HSD17B4: variants seen among roughly 807,000 people sequenced by gnomAD.
The protein encoded by HSD17B4 is hydroxysteroid 17-beta dehydrogenase 4.
A neutral mutation model predicts 101.0 loss-of-function variants in HSD17B4; 70 were observed. The observed-to-expected ratio is 0.69, with a 90% CI of 0.57 to 0.85. The LOEUF (loss-of-function observed/expected upper bound fraction) is 0.85, where lower values mean the gene tolerates loss of function less well. Among genes scored for constraint, HSD17B4 ranks in the 40% least tolerant of loss-of-function variants. The pLI, the probability that HSD17B4 is intolerant of heterozygous loss-of-function variation, is 0.00. For synonymous variants in HSD17B4, 347 were observed against 297.1 expected, an observed-to-expected ratio of 1.17 and a Z score of -1.73; for missense variants, 984 against 892.4, an observed-to-expected ratio of 1.10 and a Z score of -1.31.
chr5:119,462,739 A>T (rs768786735), intron 2 of HSD17B4, among the ~76,000 whole-genome samples: 1 of 152,166 alleles, frequency 6.6e-6, no homozygotes, highest in African/African-American at 2.4e-5. Flanking sequence ...TAATTGACAC[A>T]TACATATTTA....
chr5:119,503,995 G>A (rs1751429995), intron 14 of HSD17B4, among the ~76,000 whole-genome samples: 1 of 152,020 alleles, frequency 6.6e-6, no homozygotes, highest in African/African-American at 2.4e-5. Context: ...CGTGTACCCA[G>A]AGTTCAGCTC....
At chr5:119,475,789 T>G in intron 5 of HSD17B4, 35 bp from the exon 6 acceptor site, 1 of 1,581,742 alleles carries the variant, frequency 6.3e-7, no homozygotes, top group Non-Finnish European at 8.7e-7. Flanking sequence ...GTATATACTT[T>G]CCTCCTTTTA....
At chr5:119,485,517 A>G (rs1454058124) in intron 8 of HSD17B4, among the ~76,000 whole-genome samples, 2 of 152,130 alleles carry the variant, frequency 1.3e-5, no homozygotes, top group Non-Finnish European at 2.9e-5. Flanking sequence ...TCTAGTCCTA[A>G]AATTCCATTA....
At chr5:119,491,368 T>TATGCATATG (rs760178180) in intron 9 of HSD17B4, among the ~76,000 whole-genome samples, 27 of 152,046 alleles carry the variant, frequency 1.8e-4, no homozygotes, top group Non-Finnish European at 3.7e-4. Flanking sequence ...TCTTCTATCA[T>TATGCATATG]ATGCATATGA....
intron 12 of HSD17B4, among the ~76,000 whole-genome samples, chr5:119,497,875 T>C (rs1026998496): frequency 2.0e-5 from 3 of 152,226 alleles, no homozygotes; most frequent in African/African-American, 7.2e-5. Flanking sequence ...CATTTTTTTT[T>C]CTTGACCATC....
chr5:119,536,701 A>G (rs1261905103), intron 23 of HSD17B4, 151 bp downstream of exon 23: 7 of 719,032 alleles, frequency 9.7e-6, no homozygotes, highest in East Asian at 2.8e-5. Context: ...TCTGGTTGAC[A>G]GGTCATATAT....
chr5:119,535,923 CA>C (rs1754492655), intron 22 of HSD17B4: 4 of 170,394 alleles, frequency 2.3e-5, no homozygotes, highest in South Asian at 2.8e-4. Context: ...TCCAAGTTTT[CA>C]AATGCCATAT....
In HSD17B4 at chr5:119,492,139, G is replaced by A; in HGVS notation, c.739+15G>A. 1 of 1,599,278 alleles carries A rather than the reference G, an allele frequency of 6.3e-7. No individual in the cohort carries two copies. On this transcript the variant is annotated intron_variant, in intron 10 of 23. Transcript: ENST00000510025. ...GATTGGAAAATGTAAGTCTCTCTCA[G>A]TTTTTGGTTTGTATAGATTATTTCC...
intron 22 of HSD17B4, 31 bp from the exon 23 acceptor site, chr5:119,536,392 A>G: frequency 6.2e-7 from 1 of 1,606,426 alleles, no homozygotes; most frequent in South Asian, 1.1e-5. Context: ...AGAGAAAAAG[A>G]TACACATTGG....
intron 2 of HSD17B4, chr5:119,464,619 A>G (rs72788170): frequency 0.25 from 37,895 of 151,544 alleles, 5,249 homozygotes; most frequent in African/African-American, 0.37. Context: ...TTGAGACAGC[A>G]TCTCGCTCTG....
At chr5:119,465,320 A>G (rs759296422) in intron 2 of HSD17B4, among the ~76,000 whole-genome samples, 13 of 152,174 alleles carry the variant, frequency 8.5e-5, no homozygotes, top group Non-Finnish European at 1.9e-4. Context: ...CCTCCAAATC[A>G]TGTTGAAATG....
At chr5:119,472,678 C>CT (rs1756494029) in intron 2 of HSD17B4, 2 of 152,260 alleles carry the variant, frequency 1.3e-5, no homozygotes, top group South Asian at 4.1e-4. Context: ...AGGTGATCCA[C>CT]CCGCCTCGAC....
chr5:119,478,712 A>G, intron 7 of HSD17B4, 122 bp from the exon 8 acceptor site: 1 of 689,986 alleles, frequency 1.4e-6, no homozygotes, highest in Admixed American at 2.2e-5. Context: ...CATGATCGTA[A>G]GAAGCTAATG....
intron 6 of HSD17B4, 91 bp from the exon 7 acceptor site, chr5:119,477,326 A>T (rs935148098): frequency 1.1e-6 from 1 of 893,462 alleles, no homozygotes; most frequent in Non-Finnish European, 1.8e-6. Context: ...TAAAATGAAC[A>T]TCTTTGTATA....
intron 1 of HSD17B4, chr5:119,452,877 G>A: frequency 1.3e-6 from 2 of 1,533,606 alleles, no homozygotes; most frequent in Non-Finnish European, 1.7e-6. Flanking sequence ...TCCTGCCTGA[G>A]AGGAGAGGCC....
chr5:119,530,050 T>C, intron 21 of HSD17B4, 70 bp downstream of exon 21: 1 of 892,296 alleles, frequency 1.1e-6, no homozygotes, highest in Non-Finnish European at 1.9e-6. Context: ...ACTTTAAGAG[T>C]GGTTAGGCTA....
At chr5:119,519,297 C>G (rs752626634) in intron 17 of HSD17B4, among the ~76,000 whole-genome samples, 3 of 152,130 alleles carry the variant, frequency 2.0e-5, no homozygotes, top group Non-Finnish European at 2.9e-5. Flanking sequence ...AAAATGAGAA[C>G]AAATATCCAT....
intron 8 of HSD17B4, among the ~76,000 whole-genome samples, chr5:119,486,209 T>TA (rs1167955276): frequency 6.6e-6 from 1 of 152,126 alleles, no homozygotes; most frequent in African/African-American, 2.4e-5. Flanking sequence ...TTTTATAACT[T>TA]ACTTCAGAAG....
chr5:119,482,856 G>C (rs1466499610), intron 8 of HSD17B4, among the ~76,000 whole-genome samples: 3 of 151,418 alleles, frequency 2.0e-5, no homozygotes, highest in Non-Finnish European at 4.4e-5. Context: ...TTTTGAGTGG[G>C]TCAGAGTCCT....
Sources: gnomAD v4.1 joint callset for allele counts (sites outside exome capture counted in the v4.1 genomes callset) on GRCh38, gnomAD v4.1.1 for gene constraint, MANE v1.5 for transcripts, NCBI Gene and HGNC (gene_info 2026-07-23, HGNC 2026-07-21) for gene names.